RGS3: variants seen among roughly 807,000 people sequenced by gnomAD.
RGS3 encodes the protein regulator of G-protein signalling 3.
A neutral mutation model predicts 132.6 loss-of-function variants in RGS3; 80 were observed. That is an observed-to-expected ratio of 0.60 (90% CI 0.50 to 0.73). RGS3 has a LOEUF of 0.73. Among genes scored for constraint, RGS3 ranks in the 30% least tolerant of loss-of-function variants. RGS3 has a pLI of 0.00. For synonymous variants in RGS3, 598 were observed against 620.6 expected, an observed-to-expected ratio of 0.96 and a Z score of 0.54; for missense variants, 1,382 against 1,530.8, an observed-to-expected ratio of 0.90 and a Z score of 1.62.
chr9:113,578,764 C>G (rs550677669), intron 19 of RGS3, among the ~76,000 whole-genome samples: 1 of 152,176 alleles, frequency 6.6e-6, no homozygotes, highest in Non-Finnish European at 1.5e-5. Context: ...ATCTTGAAAG[C>G]CTGGGGGTCC....
At position 113,565,493 on chromosome 9, in the gene RGS3, C is replaced by A; in HGVS notation, c.2038-17957C>A. On this transcript the variant is annotated intron_variant, in intron 19 of 24. Transcript: ENST00000350696. This position sits in a 1 kb window ranked among gnomAD's most constrained non-coding sequence, Gnocchi z 5.7. ...CTAGATGTGGGAGGTGGAACCTGGTCATTTGGTTCTGCTTTTCCTAGCAGG... is the reference window on the plus strand; with the variant it reads ...CTAGATGTGGGAGGTGGAACCTGGTAATTTGGTTCTGCTTTTCCTAGCAGG... 1.3e-6 allele frequency: 1 copy of A among 760,988 alleles called. No individual in the cohort carries two copies. Among genetic ancestry groups the A allele is most frequent in the South Asian group, 1.6e-5 (1 of 64,326 alleles). 47.1% of individuals were successfully genotyped at this position (760,988 alleles called of 1,614,324 possible).
exon 1 of RGS3, chr9:113,460,317 G>C (rs1449958860): frequency 1.0e-5 from 4 of 381,868 alleles, no homozygotes; most frequent in African/African-American, 9.0e-5. Flanking sequence ...TCAGGAGATC[G>C]AGACCATCCT....
intron 20 of RGS3, among the ~76,000 whole-genome samples, chr9:113,586,139 C>T (rs1466622056): frequency 6.6e-6 from 1 of 152,154 alleles, no homozygotes; most frequent in African/African-American, 2.4e-5. Context: ...CCATCTTAGG[C>T]CATTTCTTGA....
intron 19 of RGS3, among the ~76,000 whole-genome samples, chr9:113,564,257 G>C (rs759468457): frequency 6.6e-6 from 1 of 152,182 alleles, no homozygotes; most frequent in Non-Finnish European, 1.5e-5. Flanking sequence ...TTGCCATTCT[G>C]TACTTTGGAC....
chr9:113,595,970 G>C (rs1170909783), intron 24 of RGS3, among the ~76,000 whole-genome samples: 1 of 152,250 alleles, frequency 6.6e-6, no homozygotes, highest in Non-Finnish European at 1.5e-5. Flanking sequence ...CCAAGGCACT[G>C]CCGCATGCCA....
At chr9:113,482,709 C>T (rs565772582) in intron 4 of RGS3, among the ~76,000 whole-genome samples, 19 of 152,294 alleles carry the variant, frequency 1.2e-4, no homozygotes, top group African/African-American at 4.6e-4. Context: ...GGGTTCCCCT[C>T]GAAGCCTCAT....
chr9:113,594,458 A>G lies in RGS3; in HGVS notation c.3109A>G (p.Ile1037Val), dbSNP rs565643565. Residue 1037 changes from isoleucine to valine, a missense_variant, in exon 22 of 25, where the codon ATC (isoleucine) becomes GTC (valine). Transcript: ENST00000350696. ...CAAGGACATGAAGAACAAGCTGGGG[A>G]TCTTCAGACGGCGGAATGAGTCCCC... The G allele has an allele frequency of 3.1e-6, 5 of 1,613,746 alleles. No homozygotes were observed. The East Asian group carries it at 8.9e-5, about 29-fold the overall frequency.
chr9:113,485,684 G>A, exon 7 of RGS3: 3 of 1,590,306 alleles, frequency 1.9e-6, no homozygotes, highest in Non-Finnish European at 2.6e-6. Flanking sequence ...AACAGGGCCA[G>A]CCAGTCCAGG....
At position 113,553,462 on chromosome 9, in the gene RGS3, ATATATATATATAT is replaced by A. The variant is rs1564562575; in HGVS notation, c.2037+16545_2037+16557del. 1.6e-3 allele frequency among the ~76,000 whole-genome samples: 119 copies of A among 72,682 alleles called. 2 individuals are homozygous for A. Among genetic ancestry groups the A allele is most frequent in the African/African-American group, 7.0e-3 (112 of 15,954 alleles). The allele number at this position is 72,682 out of a possible 152,430, so 47.7% of individuals were successfully genotyped here. A position where few individuals can be genotyped will look rare whatever the true frequency, so the allele number is the denominator to read the frequency against. ...TGTTTAAAAAAAAAAAAAAAAAAAT[ATATATATATATAT>A]ATATATATATATATATGTATATATA... On this transcript the variant is annotated intron_variant, in intron 19 of 24. Coordinates refer to ENST00000350696, the Ensembl canonical transcript of RGS3.
chr9:113,479,873 T>C (rs898790184), intron 4 of RGS3, among the ~76,000 whole-genome samples: 1 of 152,134 alleles, frequency 6.6e-6, no homozygotes, highest in African/African-American at 2.4e-5. Flanking sequence ...CTTTATTCCA[T>C]CCTTTCTTCT....
intron 20 of RGS3, chr9:113,590,001 A>T (rs1309672454): frequency 6.6e-6 from 1 of 152,196 alleles, no homozygotes; most frequent in African/African-American, 2.4e-5. Context: ...ACACACATGT[A>T]TGTTTACAAC....
At chr9:113,474,675 G>A (rs1032956869) in intron 3 of RGS3, among the ~76,000 whole-genome samples, 2 of 152,180 alleles carry the variant, frequency 1.3e-5, no homozygotes, top group Non-Finnish European at 2.9e-5. Context: ...GCCTTCATAT[G>A]TTTGTCTGGA....
At chr9:113,521,740 T>C (rs1831968829) in intron 16 of RGS3, among the ~76,000 whole-genome samples, 1 of 152,224 alleles carries the variant, frequency 6.6e-6, no homozygotes, top group Non-Finnish European at 1.5e-5. Flanking sequence ...CTTGTAAGTA[T>C]TTCTGTAGGA....
At chr9:113,587,801 G>A (rs1835194029) in intron 20 of RGS3, among the ~76,000 whole-genome samples, 3 of 152,192 alleles carry the variant, frequency 2.0e-5, no homozygotes, top group African/African-American at 7.2e-5. Flanking sequence ...TCCAGAGAGG[G>A]AGAGCCCCCT....
intron 6 of RGS3, 38 bp downstream of exon 4, chr9:113,484,270 G>C (rs769501773): frequency 1.5e-5 from 17 of 1,124,364 alleles, no homozygotes; most frequent in Non-Finnish European, 2.6e-6. Flanking sequence ...GAAAGGAGAG[G>C]GAAGGAGTGT....
intron 1 of RGS3, among the ~76,000 whole-genome samples, chr9:113,452,995 T>A (rs1284101386): frequency 7.7e-6 from 1 of 130,174 alleles, no homozygotes; most frequent in Non-Finnish European, 1.6e-5. Context: ...ATATAATATA[T>A]AAATATAAAT....
intron 20 of RGS3, among the ~76,000 whole-genome samples, chr9:113,587,464 C>T (rs1197121442): frequency 6.6e-6 from 1 of 152,192 alleles, no homozygotes; most frequent in Non-Finnish European, 1.5e-5. Flanking sequence ...AGACCTTGGC[C>T]AAGTTGCTTC....
At position 113,583,831 on chromosome 9, in the gene RGS3, C is replaced by A. The variant is rs781024713; in HGVS notation, c.2419C>A (p.Pro807Thr). Residue 807 changes from proline (P) to threonine (T), a missense_variant, in exon 20 of 25, where the codon CCC (proline) becomes ACC (threonine). Physicochemically the swap from Pro to Thr is conservative, Grantham distance 38 (BLOSUM62 -1). Transcript: ENST00000350696. ...AGACCTCCCTGCCATCCAGGAATCC[C>A]CCACCCGGGACCTTCCACCCTGTCA... 1.6e-5 allele frequency: 26 copies of A among 1,613,926 alleles called. 1 individual carries two copies. The highest frequency in any genetic ancestry group is 1.3e-4 in the East Asian group (6 of 44,896).
At position 113,537,815 on chromosome 9, in the gene RGS3, G is replaced by A. The variant is rs1177850615; in HGVS notation, c.2037+897G>A. On this transcript the variant is annotated intron_variant, in intron 19 of 24. Transcript: ENST00000350696. The surrounding 1 kb of genome is among the most constrained non-coding windows in gnomAD (Gnocchi z 4.3). ...TATGCAGGGGGCAGTTGGGGGGCAG[G>A]CCTGCTGAAGCAGGAGGTAGGGAAG... Among the ~76,000 whole-genome samples, 2 of 152,206 alleles carry A rather than the reference G, an allele frequency of 1.3e-5. No homozygotes were observed. The highest frequency in any genetic ancestry group is 2.9e-5 in the Non-Finnish European group (2 of 68,036).
Sources: allele counts gnomAD v4.1 joint callset (sites outside exome capture counted in the v4.1 genomes callset), GRCh38; gene constraint gnomAD v4.1.1; non-coding constraint Gnocchi (gnomAD v3.1); transcripts MANE v1.5; gene names NCBI Gene and HGNC (gene_info 2026-07-23, HGNC 2026-07-21).